The following SHOC1 variants were observed in gnomAD, a reference collection of about 807,000 sequenced individuals.
SHOC1 encodes protein shortage in chiasmata 1 ortholog.
A neutral mutation model predicts 179.2 loss-of-function variants in SHOC1; 136 were observed. The ratio of observed to expected loss-of-function variants is 0.76; its 90% CI spans 0.66 to 0.87. The LOEUF (loss-of-function observed/expected upper bound fraction) is 0.87, where lower values mean the gene tolerates loss of function less well. SHOC1 is among the 40% of genes least tolerant of loss of function. The pLI is 0.00. For synonymous variants in SHOC1, 489 were observed against 586.6 expected, an observed-to-expected ratio of 0.83 and a Z score of 2.41; for missense variants, 1,538 against 1,700.8, an observed-to-expected ratio of 0.90 and a Z score of 1.68.
At chr9:111,704,720 T>C (rs1196898797) in intron 21 of SHOC1, among the ~76,000 whole-genome samples, 2 of 145,206 alleles carry the variant, frequency 1.4e-5, no homozygotes. Flanking sequence ...TATGATAAAG[T>C]GTTTTACGAT....
At chr9:111,789,663 C>T (rs1373668301) in intron 2 of SHOC1, among the ~76,000 whole-genome samples, 1 of 152,136 alleles carries the variant, frequency 6.6e-6, no homozygotes, top group Non-Finnish European at 1.5e-5. Flanking sequence ...CCAAGTCCTG[C>T]ATCTTTTGCA....
intron 8 of SHOC1, among the ~76,000 whole-genome samples, chr9:111,748,747 TTTTTCCTTCCTTC>T (rs1391796310): frequency 2.0e-5 from 1 of 49,510 alleles, no homozygotes; most frequent in Admixed American, 2.5e-4. Context: ...CTGCCTTCCT[TTTTTCCTTCCTTC>T]CTTTCCTTCC....
At chr9:111,722,336 C>A in intron 15 of SHOC1, 73 bp downstream of exon 15, 1 of 1,408,624 alleles carries the variant, frequency 7.1e-7, no homozygotes, top group South Asian at 1.4e-5. Context: ...CTTCTATACC[C>A]AATTTTTACT....
rs769432695 is a variant in SHOC1, at chr9:111,691,886, A to G, written c.4091T>C (p.Ile1364Thr). Residue 1364 changes from isoleucine to threonine, a missense_variant, in exon 27 of 28, where the codon ATA becomes ACA. Ile to Thr is a moderately conservative substitution (Grantham distance 89). Transcript: ENST00000682961. ...SPLHWNFKKN[I>T]WEQENHPFNL... ...GAACGGGTGATTCTCTTGTTCCCAT[A>G]TATTTTTCTTAAAGTTCCAATGAAG... 9.9e-6 allele frequency: 16 copies of G among 1,613,724 alleles called. No individual in the cohort carries two copies. Among genetic ancestry groups the G allele is most frequent in the South Asian group, 2.2e-5 (2 of 91,044 alleles).
In SHOC1 at chr9:111,692,495, G is replaced by A; in HGVS notation, c.3482C>T (p.Thr1161Ile). The change falls in exon 27 of 28, where the codon ACT (threonine) becomes ATT (isoleucine). Residue 1161 changes from threonine to isoleucine, a missense_variant. Physicochemically the swap from Thr to Ile is moderately conservative, Grantham distance 89. Transcript: ENST00000682961. ...AGAAGAACCAATCTTGAATAGGGAA[G>A]TGATGCTACAAAAATGCTAAAAAAT... is the stretch of plus-strand genomic sequence containing the variant. The part of the protein sequence containing the change: ...EKVLKHFCSI[T>I]SLFKIGSSSI... The A allele has an allele frequency of 6.4e-6, 10 of 1,565,910 alleles. No homozygotes were observed. Among genetic ancestry groups the A allele is most frequent in the Non-Finnish European group, 8.7e-6 (10 of 1,154,534 alleles).
rs773570545 is a variant in SHOC1 at position 111,693,864 on chromosome 9, T to C, written c.3400A>G (p.Ile1134Val). 6.2e-7 allele frequency: 1 copy of C among 1,611,238 alleles called. No homozygotes were observed. The highest frequency in any genetic ancestry group is 1.3e-5 in the African/African-American group (1 of 74,844). The change falls in exon 26 of 28, where the codon ATA (isoleucine) becomes GTA (valine). Residue 1134 changes from isoleucine (I) to valine (V), a missense_variant. Coordinates refer to ENST00000682961, the MANE Select transcript of SHOC1 (RefSeq NM_001378211.1). ...MLNKGPSLHW[I>V]LLATLCQLQE... is the part of the protein sequence containing the mutation. Reference sequence around the variant, plus strand: ...AGTTGACACAGAGTTGCTAATAATATCCAATGCAGTGAAGGTCCTTTATTT... The same window carrying C: ...AGTTGACACAGAGTTGCTAATAATACCCAATGCAGTGAAGGTCCTTTATTT...
At chr9:111,786,507 T>C (rs1836267722) in intron 2 of SHOC1, among the ~76,000 whole-genome samples, 1 of 100,404 alleles carries the variant, frequency 1.0e-5, no homozygotes, top group Non-Finnish European at 2.5e-5. Context: ...CTGCAGATTT[T>C]TTTTTTTTTT....
At chr9:111,724,621 G>C (rs1039618739) in intron 13 of SHOC1, among the ~76,000 whole-genome samples, 1 of 152,032 alleles carries the variant, frequency 6.6e-6, no homozygotes, top group Non-Finnish European at 1.5e-5. Flanking sequence ...AAAGTGCTGG[G>C]ATTACAGGCA....
chr9:111,758,325 G>T, intron 6 of SHOC1, 130 bp from the exon 7 acceptor site: 1 of 604,076 alleles, frequency 1.7e-6, no homozygotes, highest in Non-Finnish European at 2.8e-6. Flanking sequence ...GCCGGGTGCA[G>T]TGGCTCACGC....
At position 111,769,975 on chromosome 9, in the gene SHOC1, G is replaced by GTTTTTTTTT; in HGVS notation, c.442+5807_442+5815dup. ...AATCTAGCGAAAGGTTTTATCTTCT[G>GTTTTTTTTT]TTTTTTTTTTGTTTTTTTTTTTTTT... On this transcript the variant is annotated intron_variant, in intron 5 of 27. Coordinates refer to ENST00000682961, the MANE Select transcript of SHOC1 (RefSeq NM_001378211.1). 4.2e-4 allele frequency among the ~76,000 whole-genome samples: 37 copies of GTTTTTTTTT among 87,786 alleles called. 1 individual carries two copies. Among genetic ancestry groups the GTTTTTTTTT allele is most frequent in the South Asian group, 1.2e-3 (3 of 2,524 alleles). 57.6% of individuals were successfully genotyped at this position (87,786 alleles called of 152,430 possible). A position where few individuals can be genotyped will look rare whatever the true frequency, so the allele number is the denominator to read the frequency against.
At chr9:111,752,774 A>G in intron 8 of SHOC1, among the ~76,000 whole-genome samples, 1 of 152,254 alleles carries the variant, frequency 6.6e-6, no homozygotes, top group East Asian at 1.9e-4. Context: ...AAAAGAACAA[A>G]TGGAAATTTT....
At chr9:111,703,550 A>G (rs1832087822) in intron 22 of SHOC1, among the ~76,000 whole-genome samples, 1 of 152,156 alleles carries the variant, frequency 6.6e-6, no homozygotes, top group East Asian at 1.9e-4. Flanking sequence ...TTAATACACT[A>G]TCTCCTTGTA....
chr9:111,772,120 G>A (rs59319264), intron 5 of SHOC1, among the ~76,000 whole-genome samples: 5,258 of 151,862 alleles, frequency 0.035, 319 homozygotes, highest in African/African-American at 0.12. Flanking sequence ...TCCTCTGACT[G>A]TATTTTCAAA....
rs550342135 is a variant in SHOC1 at position 111,723,925 on chromosome 9, TA to T, written c.1835-15del. ...ATGCTTCTTTATCTTGAAATTCCAATAAAAAATATAAATTTTTGTTGTTCAA... is the reference window on the plus strand; with the variant it reads ...ATGCTTCTTTATCTTGAAATTCCAATAAAAATATAAATTTTTGTTGTTCAA... On this transcript the variant is annotated splice_polypyrimidine_tract_variant and intron_variant, in intron 13 of 27. Coordinates refer to ENST00000682961, the MANE Select transcript of SHOC1 (RefSeq NM_001378211.1). 2.0e-4 allele frequency: 289 copies of T among 1,481,988 alleles called. 1 individual carries two copies. In the African/African-American group the frequency reaches 3.7e-3, roughly 19 times the overall value. The allele number at this position is 1,481,988 out of a possible 1,614,324, so 91.8% of individuals were successfully genotyped here.
intron 5 of SHOC1, chr9:111,759,309 A>G (rs2131572941): frequency 6.3e-7 from 1 of 1,592,330 alleles, no homozygotes; most frequent in African/African-American, 1.4e-5. Flanking sequence ...GAGATGGTCT[A>G]CAGTGCCTAC....
In SHOC1 at chr9:111,686,771, C is replaced by CA. The variant is rs769088263; in HGVS notation, c.4525dup (p.Ter1509LeufsTer21). The stretch of plus-strand genomic sequence containing the variant: ...ATGTAACATTGCTCTTCTCCTCCTT[C>CA]AAAAAAACCTCAGCCGAGTCTGCCC... On this transcript the variant is annotated frameshift_variant and stop_lost, in exon 28 of 28. Transcript: ENST00000682961. LOFTEE classifies it high-confidence loss of function. The CA allele has an allele frequency of 1.9e-6, 3 of 1,604,422 alleles. No homozygotes were observed. The highest frequency in any genetic ancestry group is 1.3e-5 in the African/African-American group (1 of 74,718).
chr9:111,692,521 G>T lies in SHOC1; in HGVS notation c.3466-10C>A. On this transcript the variant is annotated splice_polypyrimidine_tract_variant and intron_variant, in intron 26 of 27. Coordinates refer to ENST00000682961, the MANE Select transcript of SHOC1 (RefSeq NM_001378211.1). ...TGATGCTACAAAAATGCTAAAAAAT[G>T]AATTAATATAATGCAAATGTCAGTT... The T allele has an allele frequency of 6.5e-7, 1 of 1,527,040 alleles. No individual in the cohort carries two copies. Among genetic ancestry groups the T allele is most frequent in the South Asian group, 1.3e-5 (1 of 79,268 alleles). The allele number at this position is 1,527,040 out of a possible 1,614,324, so 94.6% of individuals were successfully genotyped here.
At chr9:111,693,048 G>C (rs562224215) in intron 26 of SHOC1, among the ~76,000 whole-genome samples, 1 of 152,310 alleles carries the variant, frequency 6.6e-6, no homozygotes, top group South Asian at 2.1e-4. Context: ...GCTCATGCCT[G>C]TAATCCTAGC....
At chr9:111,740,728 T>G (rs1833992760) in intron 11 of SHOC1, among the ~76,000 whole-genome samples, 1 of 152,044 alleles carries the variant, frequency 6.6e-6, no homozygotes. Flanking sequence ...TGCACCACCA[T>G]GCTCAGCTAA....
Sources: allele counts gnomAD v4.1 joint callset (sites outside exome capture counted in the v4.1 genomes callset), GRCh38; gene constraint gnomAD v4.1.1; transcripts MANE v1.5; gene names NCBI Gene and HGNC (gene_info 2026-07-23, HGNC 2026-07-21).